ACIN1: variants seen among roughly 807,000 people sequenced by gnomAD.
The protein encoded by ACIN1 is apoptotic chromatin condensation inducer in the nucleus.
Under a neutral mutation model 146.6 loss-of-function variants are expected in ACIN1, and 16 were observed. The observed-to-expected ratio is 0.11, with a 90% confidence interval of 0.07 to 0.17. The LOEUF (loss-of-function observed/expected upper bound fraction) is 0.17, where lower values mean the gene tolerates loss of function less well. Ranked by LOEUF, ACIN1 falls within the 10% of genes least tolerant of loss-of-function variation. The pLI, the probability that ACIN1 is intolerant of heterozygous loss-of-function variation, is 1.00. For missense variants in ACIN1, 1,357 were observed against 1,609.3 expected, an observed-to-expected ratio of 0.84 and a Z score of 2.68; for synonymous variants, 569 against 582.7, an observed-to-expected ratio of 0.98 and a Z score of 0.34.
chr14:23,072,435 G>C (rs1374003235), intron 8 of ACIN1, among the ~76,000 whole-genome samples: 1 of 152,334 alleles, frequency 6.6e-6, no homozygotes, highest in Non-Finnish European at 1.5e-5. Flanking sequence ...AGTGAAGTGA[G>C]AGTGCTGCTA....
Position 23,067,511 on chromosome 14 carries a change from G to GGGGGGGGC in ACIN1, c.2266-1504_2266-1503insGCCCCCCC. 4.5e-6 allele frequency: 1 copy of GGGGGGGGC among 221,754 alleles called. No homozygotes were observed. The highest frequency in any genetic ancestry group is 7.3e-6 in the Non-Finnish European group (1 of 137,286). 13.7% of individuals were successfully genotyped at this position (221,754 alleles called of 1,614,324 possible). ...CCAGGGGCGCAGGGGGGGCGGGAGG[G>GGGGGGGGC]AAACGTGTGGGGGGACGCTGCCCAG... On this transcript the variant is annotated intron_variant, in intron 9 of 18. Coordinates refer to ENST00000605057, the MANE Select transcript of ACIN1 (RefSeq NM_001386863.1). The surrounding 1 kb of genome is among the most constrained non-coding windows in gnomAD (Gnocchi z 4.6).
rs1436595437 is a variant in ACIN1 at position 23,058,591 on chromosome 14, T to A, written c.*557A>T. ...TAAAACTAAGTCAGATTTTTATTTT[T>A]TTTTCCATAGACCACATCATTTAAT... On this transcript the variant is annotated 3_prime_UTR_variant, in exon 19 of 19. Transcript: ENST00000605057. 6.5e-6 allele frequency: 1 copy of A among 153,886 alleles called. No homozygotes were observed. Among genetic ancestry groups the A allele is most frequent in the Non-Finnish European group, 1.5e-5 (1 of 68,960 alleles). 9.5% of individuals were successfully genotyped at this position (153,886 alleles called of 1,614,324 possible).
In ACIN1 at chr14:23,079,820, G is replaced by A; in HGVS notation, c.1515C>T (p.Thr505=). Residue 505 remains threonine, a synonymous_variant, in exon 6 of 19, where the codon ACC becomes ACT. Transcript: ENST00000605057. ...GTTTCAATCTGTGGCTTGGGAGAAG[G>A]GTATGAGAAGCTCTTCTGCCTTCCT... ...EQKEGRRASH[T]LLPSHRLKQS... 6.2e-7 allele frequency: 1 copy of A among 1,614,148 alleles called. No individual in the cohort carries two copies. The highest frequency in any genetic ancestry group is 8.5e-7 in the Non-Finnish European group (1 of 1,180,036).
At chr14:23,093,871 T>G (rs2048293736) in intron 1 of ACIN1, among the ~76,000 whole-genome samples, 1 of 152,216 alleles carries the variant, frequency 6.6e-6, no homozygotes, top group East Asian at 1.9e-4. Flanking sequence ...CAAGTGCCCC[T>G]TCTAAATCTG....
At position 23,093,506 on chromosome 14, in the gene ACIN1, G is replaced by C; in HGVS notation, c.177C>G (p.Pro59=). 2 of 1,614,036 alleles carry C rather than the reference G, an allele frequency of 1.2e-6. No individual in the cohort carries two copies. Among genetic ancestry groups the C allele is most frequent in the Non-Finnish European group, 1.7e-6 (2 of 1,179,972 alleles). ...MLENLQKHST[P]HAAFQPNSQI... ...GGGAATTTGGCTGGAATGCAGCATGGGGTGTTGAGTGTTTCTGTAAATTTT... is the reference window on the plus strand; with the variant it reads ...GGGAATTTGGCTGGAATGCAGCATGCGGTGTTGAGTGTTTCTGTAAATTTT... The change falls in exon 2 of 19, where the codon CCC becomes CCG. Residue 59 remains proline (P), a synonymous_variant. Coordinates refer to ENST00000605057, the MANE Select transcript of ACIN1 (RefSeq NM_001386863.1).
At chr14:23,062,856 A>C in intron 14 of ACIN1, 73 bp downstream of exon 14, 6 of 1,473,260 alleles carry the variant, frequency 4.1e-6, no homozygotes, top group Non-Finnish European at 5.5e-6. Context: ...TATGAGTGGA[A>C]CCTAGGAGGC....
At chr14:23,088,933 C>T (rs10873081) in intron 4 of ACIN1, among the ~76,000 whole-genome samples, 61,147 of 152,022 alleles carry the variant, frequency 0.4, 12,301 homozygotes, top group Middle Eastern at 0.54. Flanking sequence ...GCTCAACCTG[C>T]ACATATTTTC....
intron 8 of ACIN1, chr14:23,071,631 G>A (rs2076775773): frequency 7.0e-7 from 1 of 1,438,486 alleles, no homozygotes; most frequent in Non-Finnish European, 9.3e-7. Context: ...AAAGAAAAGA[G>A]GGAGGGAGCT....
chr14:23,063,971 G>C lies in ACIN1; in HGVS notation c.2595+134C>G, dbSNP rs1287379472. The C allele has an allele frequency of 3.3e-6, 4 of 1,212,284 alleles. No homozygotes were observed. In the African/African-American group the frequency reaches 6.1e-5, roughly 18 times the overall value. 75.1% of individuals were successfully genotyped at this position (1,212,284 alleles called of 1,614,324 possible). A position where few individuals can be genotyped will look rare whatever the true frequency, so the allele number is the denominator to read the frequency against. On this transcript the variant is annotated intron_variant, in intron 12 of 18. Coordinates refer to ENST00000605057, the MANE Select transcript of ACIN1 (RefSeq NM_001386863.1). ...AGCTGGATTTGGTAGTCTGACCCCT[G>C]AAAGTGTCAGTCAACCCAACCCTCT...
chr14:23,083,322 G>T (rs893125510), intron 4 of ACIN1, among the ~76,000 whole-genome samples: 1 of 151,390 alleles, frequency 6.6e-6, no homozygotes, highest in Non-Finnish European at 1.5e-5. Context: ...CTCCCACCCC[G>T]GTCCTCCCAA....
Position 23,061,533 on chromosome 14 carries a change from G to C in ACIN1, c.3189C>G (p.Pro1063=). 6.2e-7 allele frequency: 1 copy of C among 1,602,760 alleles called. No homozygotes were observed. Among genetic ancestry groups the C allele is most frequent in the Admixed American group, 1.7e-5 (1 of 59,690 alleles). ...QGIPRPLHPP[P]PPPVQPPQHP... is the part of the protein sequence containing the mutation. ...GCTGTGGTGGCTGGACCGGGGGTGGGGGTGGGGGGTGCAGGGGCCGTGGTA... is the reference window on the plus strand; with the variant it reads ...GCTGTGGTGGCTGGACCGGGGGTGGCGGTGGGGGGTGCAGGGGCCGTGGTA... The change falls in exon 17 of 19, where the codon CCC becomes CCG. Residue 1063 remains proline (P), a synonymous_variant. Transcript: ENST00000605057.
chr14:23,062,689 A>G, intron 14 of ACIN1, 166 bp from the exon 15 acceptor site: 1 of 767,832 alleles, frequency 1.3e-6, no homozygotes, highest in Non-Finnish European at 2.1e-6. Flanking sequence ...GGTGCTTCCC[A>G]GCACTAATTG....
chr14:23,063,590 C>T lies in ACIN1; in HGVS notation c.2596-13G>A, dbSNP rs1566733723. ...CTGCAGGTACTACCTATCAAGGTGTCAGAGAACACAGCAGGTCTGTTAAAC... is the reference window on the plus strand; with the variant it reads ...CTGCAGGTACTACCTATCAAGGTGTTAGAGAACACAGCAGGTCTGTTAAAC... On this transcript the variant is annotated splice_polypyrimidine_tract_variant and intron_variant, in intron 12 of 18. Transcript: ENST00000605057. 6.2e-7 allele frequency: 1 copy of T among 1,613,952 alleles called. No individual in the cohort carries two copies. The highest frequency in any genetic ancestry group is 1.3e-5 in the African/African-American group (1 of 75,024).
At chr14:23,063,178 A>G in intron 13 of ACIN1, 104 bp from the exon 14 acceptor site, 2 of 1,322,978 alleles carry the variant, frequency 1.5e-6, no homozygotes, top group Non-Finnish European at 2.1e-6. Context: ...CCAAGCAGCC[A>G]CTCCTTAATC....
intron 1 of ACIN1, chr14:23,094,446 C>T (rs2048314400): frequency 3.0e-6 from 3 of 984,652 alleles, no homozygotes; most frequent in Non-Finnish European, 2.4e-6. Context: ...AATTAGAGAC[C>T]TCTCTCTCAT....
chr14:23,063,966 C>A, intron 12 of ACIN1, 139 bp downstream of exon 12: 1 of 1,143,234 alleles, frequency 8.7e-7, no homozygotes, highest in Non-Finnish European at 1.2e-6. Flanking sequence ...GGTAGTCTGA[C>A]CCCTGAAAGT....
Position 23,068,742 on chromosome 14 carries a change from C to T in ACIN1, c.2265+734G>A, listed in dbSNP as rs1043852624. The T allele has an allele frequency of 6.2e-5, 61 of 985,390 alleles. No individual in the cohort carries two copies. The highest frequency in any genetic ancestry group is 5.2e-4 in the African/African-American group (30 of 57,212). 61.0% of individuals were successfully genotyped at this position (985,390 alleles called of 1,614,324 possible). On this transcript the variant is annotated intron_variant, in intron 9 of 18. Coordinates refer to ENST00000605057, the MANE Select transcript of ACIN1 (RefSeq NM_001386863.1). This position sits in a 1 kb window ranked among gnomAD's most constrained non-coding sequence, Gnocchi z 4.3. ...ATTCTGCACATCAAATCACTTTCAC[C>T]GGCCCCCACCCCCGCAACACACACC...
chr14:23,061,276 T>C (rs2139990517), intron 17 of ACIN1, 22 bp downstream of exon 17: 1 of 1,613,836 alleles, frequency 6.2e-7, no homozygotes, highest in Non-Finnish European at 8.5e-7. Context: ...TGGGTATGCG[T>C]ACCCCATAGC....
At chr14:23,089,662 T>C (rs1208857558) in intron 4 of ACIN1, among the ~76,000 whole-genome samples, 2 of 152,180 alleles carry the variant, frequency 1.3e-5, no homozygotes, top group Non-Finnish European at 2.9e-5. Context: ...ACTGAATGTG[T>C]TAACACGTAA....
Sources: allele counts gnomAD v4.1 joint callset (sites outside exome capture counted in the v4.1 genomes callset), GRCh38; gene constraint gnomAD v4.1.1; non-coding constraint Gnocchi (gnomAD v3.1); transcripts MANE v1.5; gene names NCBI Gene and HGNC (gene_info 2026-07-23, HGNC 2026-07-21).